The following COX7A2L variants were observed in gnomAD, a reference collection of about 807,000 sequenced individuals.
COX7A2L encodes the protein cytochrome c oxidase subunit 7A2 like, also known as cytochrome c oxidase subunit 7A2-like, mitochondrial.
COX7A2L carries 18 observed loss-of-function variants against 14.2 expected under a neutral mutation model. The observed-to-expected ratio is 1.27, with a 90% CI of 0.88 to 1.88. The LOEUF (loss-of-function observed/expected upper bound fraction) is 1.88. Among genes scored for constraint, COX7A2L ranks in the 40% most tolerant of loss-of-function variants. COX7A2L has a pLI of 0.00. For missense variants in COX7A2L, 179 were observed against 138.8 expected (o/e 1.29, Z -1.46); for synonymous variants, 65 against 57.4 (o/e 1.13, Z -0.60).
Position 42,361,077 on chromosome 2 carries a change from G to A in COX7A2L, c.72+13C>T, listed in dbSNP as rs1374200169. 7.4e-6 allele frequency: 12 copies of A among 1,612,858 alleles called. No individual in the cohort carries two copies. The highest frequency in any genetic ancestry group is 1.0e-5 in the Non-Finnish European group (12 of 1,179,590). On this transcript the variant is annotated intron_variant, in intron 1 of 2. Coordinates refer to ENST00000234301, the MANE Select transcript of COX7A2L (RefSeq NM_004718.4). ...CACTTCTCATGTCCGAGCTGGCCAG[G>A]CGCCACTCGTACCTGCGGGCTATAG...
chr2:42,363,234 G>T (rs770839690), upstream of COX7A2L, among the ~76,000 whole-genome samples: 1 of 152,108 alleles, frequency 6.6e-6, no homozygotes. Flanking sequence ...CAAAAAGTTC[G>T]ACTACCTCAA....
intron 2 of COX7A2L, among the ~76,000 whole-genome samples, chr2:42,337,346 T>A (rs1297602784): frequency 2.0e-5 from 3 of 152,094 alleles, no homozygotes; most frequent in Non-Finnish European, 4.4e-5. Context: ...TGAGCAACAG[T>A]GAAAAGCAGC....
chr2:42,357,537 C>A (rs1670863960), intron 1 of COX7A2L, among the ~76,000 whole-genome samples: 1 of 151,978 alleles, frequency 6.6e-6, no homozygotes, highest in Admixed American at 6.6e-5. Context: ...GTCTCAAACT[C>A]CTGGCCTCAA....
chr2:42,337,796 A>G (rs747774544), intron 2 of COX7A2L, among the ~76,000 whole-genome samples: 1 of 152,184 alleles, frequency 6.6e-6, no homozygotes, highest in African/African-American at 2.4e-5. Context: ...TTTGAAGGGA[A>G]TATGGAGAAG....
chr2:42,347,118 G>A (rs908508410), downstream of COX7A2L, among the ~76,000 whole-genome samples: 2 of 152,150 alleles, frequency 1.3e-5, no homozygotes, highest in African/African-American at 4.8e-5. Context: ...TGCCACCTCA[G>A]CCTCCCAACA....
chr2:42,349,089 G>A (rs528337708), downstream of COX7A2L, among the ~76,000 whole-genome samples: 1 of 152,280 alleles, frequency 6.6e-6, no homozygotes, highest in South Asian at 2.1e-4. Context: ...GTTACCATAT[G>A]ACCCAGGAAT....
At chr2:42,340,734 A>G (rs1670386811) in intron 2 of COX7A2L, among the ~76,000 whole-genome samples, 1 of 151,970 alleles carries the variant, frequency 6.6e-6, no homozygotes, top group Non-Finnish European at 1.5e-5. Flanking sequence ...CTTCCCTGCC[A>G]TTCCTCCTCT....
Position 42,339,972 on chromosome 2 carries a change from T to C in COX7A2L, c.193-6103A>G, listed in dbSNP as rs1670368903. Among the ~76,000 whole-genome samples, 1 of 152,050 alleles carries C rather than the reference T, an allele frequency of 6.6e-6. No homozygotes were observed. On this transcript the variant is annotated intron_variant, in intron 2 of 2. Transcript: ENST00000468711. The surrounding 1 kb of genome is among the most constrained non-coding windows in gnomAD (Gnocchi z 5.4). ...CTTGGTTATCCCCCATTCTATTTCCTCACTCCCACACGACCCTCTGAACAA... is the reference window on the plus strand; with the variant it reads ...CTTGGTTATCCCCCATTCTATTTCCCCACTCCCACACGACCCTCTGAACAA...
intron 1 of COX7A2L, among the ~76,000 whole-genome samples, chr2:42,360,378 G>C (rs1356979259): frequency 6.6e-6 from 1 of 152,070 alleles, no homozygotes; most frequent in Non-Finnish European, 1.5e-5. Flanking sequence ...AGCGGAAAAC[G>C]CCATGATTTG....
chr2:42,346,468 T>C (rs1452709839), downstream of COX7A2L, among the ~76,000 whole-genome samples: 11 of 152,116 alleles, frequency 7.2e-5, no homozygotes, highest in Non-Finnish European at 2.9e-5. Flanking sequence ...AATAGACCAA[T>C]ACATTTAGCA....
rs1158504926 is a variant in COX7A2L, at chr2:42,351,352, T to G, written c.212A>C (p.Asp71Ala). The G allele has an allele frequency of 6.2e-7, 1 of 1,613,250 alleles. No individual in the cohort carries two copies. The highest frequency in any genetic ancestry group is 1.3e-5 in the African/African-American group (1 of 75,012). The change falls in exon 3 of 3, where the codon GAT becomes GCT. Residue 71 changes from aspartate (D) to alanine (A), a missense_variant. Coordinates refer to ENST00000234301, the MANE Select transcript of COX7A2L (RefSeq NM_004718.4). ...TCGTTTCAGGTAGACGGGCACACCA[T>G]CAGCTTTCTTGAAAGCAAGAATTAA... ...PELQKFFQKADGVPVYLKRGL... is the reference protein window; with the variant it reads ...PELQKFFQKAAGVPVYLKRGL...
downstream of COX7A2L, among the ~76,000 whole-genome samples, chr2:42,346,327 G>C (rs1344461122): frequency 6.6e-6 from 1 of 152,184 alleles, no homozygotes; most frequent in Non-Finnish European, 1.5e-5. Flanking sequence ...GTCCTTGTGA[G>C]GCCCAGCTTC....
At chr2:42,364,250 CAAAAAA>C (rs35151680), upstream of COX7A2L, among the ~76,000 whole-genome samples, 1 of 85,406 alleles carries the variant, frequency 1.2e-5, no homozygotes, top group African/African-American at 4.3e-5. Context: ...GACTCCGTCT[CAAAAAA>C]AAAAAAAAAA....
At chr2:42,346,582 A>T (rs968200402), downstream of COX7A2L, among the ~76,000 whole-genome samples, 5 of 152,116 alleles carry the variant, frequency 3.3e-5, no homozygotes, top group African/African-American at 4.8e-5. Context: ...GTTCAAGACC[A>T]GCCTGGGCAA....
At chr2:42,351,414 T>G (rs189919281) in intron 2 of COX7A2L, 55 bp from the exon 3 acceptor site, 121 of 1,597,766 alleles carry the variant, frequency 7.6e-5, no homozygotes, top group Non-Finnish European at 4.1e-5. Context: ...TTTTACAATT[T>G]TACTCTTAAA....
intron 2 of COX7A2L, among the ~76,000 whole-genome samples, chr2:42,341,339 G>A (rs1049534684): frequency 6.6e-6 from 1 of 152,128 alleles, no homozygotes; most frequent in African/African-American, 2.4e-5. Context: ...GGCGTCGCAG[G>A]GGGCAGCACA....
chr2:42,366,353 G>C (rs907202493), intron 1 of COX7A2L, among the ~76,000 whole-genome samples: 1 of 152,212 alleles, frequency 6.6e-6, no homozygotes, highest in African/African-American at 2.4e-5. Context: ...GAGCCCAGGA[G>C]GTTGAGGCTG....
intron 1 of COX7A2L, among the ~76,000 whole-genome samples, chr2:42,360,643 T>C (rs1670995992): frequency 6.6e-6 from 1 of 152,102 alleles, no homozygotes; most frequent in South Asian, 2.1e-4. Context: ...CCATGGTTTC[T>C]CTAAACGCCT....
chr2:42,347,746 A>AC (rs1314378889), downstream of COX7A2L, among the ~76,000 whole-genome samples: 8 of 152,136 alleles, frequency 5.3e-5, no homozygotes, highest in South Asian at 6.2e-4. Context: ...ACCCGGAGAA[A>AC]CCCCGTCTCT....
Sources: gnomAD v4.1 joint callset for allele counts (sites outside exome capture counted in the v4.1 genomes callset) on GRCh38, gnomAD v4.1.1 for gene constraint, Gnocchi (gnomAD v3.1) non-coding constraint, MANE v1.5 for transcripts, NCBI Gene and HGNC (gene_info 2026-07-23, HGNC 2026-07-21) for gene names.